Variants in POTEJ observed in about 807,000 individuals in gnomAD.
POTEJ encodes the protein POTE ankyrin domain family member J, also known as POTE ankyrin domain family, member J.
Under a neutral mutation model 69.0 loss-of-function variants are expected in POTEJ, and 11 were observed. The observed-to-expected ratio is 0.16, with a 90% CI of 0.10 to 0.26. The LOEUF (loss-of-function observed/expected upper bound fraction) is 0.26. POTEJ is among the 10% of genes least tolerant of loss of function. The probability of loss-of-function intolerance (pLI) is 1.00; values close to 1 mark genes in which losing one functional copy is unlikely to be tolerated. For missense variants in POTEJ, 327 were observed against 1,045.5 expected (o/e 0.31, Z 9.48); for synonymous variants, 117 against 381.1 (o/e 0.31, Z 8.07).
rs548766853 is a variant in POTEJ, at chr2:130,643,525, A to G, written c.1370-458A>G. On this transcript the variant is annotated intron_variant, in intron 10 of 14. Coordinates refer to ENST00000409602, the MANE Select transcript of POTEJ (RefSeq NM_001277083.2). ...AGGAAGACCCTGACTCATTAAAAAA[A>G]AAAAAAGAAAAAAAGAAAATAAATT... is the stretch of plus-strand genomic sequence containing the variant. Among the ~76,000 whole-genome samples, 116 of 143,278 alleles carry G rather than the reference A, an allele frequency of 8.1e-4. 10 individuals carry two copies. Among genetic ancestry groups the G allele is most frequent in the African/African-American group, 3.0e-3 (113 of 38,050 alleles). The allele number at this position is 143,278 out of a possible 152,430, so 94.0% of individuals were successfully genotyped here.
chr2:130,644,278 G>C (rs1271364901), intron 11 of POTEJ, among the ~76,000 whole-genome samples: 2 of 144,360 alleles, frequency 1.4e-5, no homozygotes, highest in Non-Finnish European at 3.1e-5. Flanking sequence ...AGACCATCCT[G>C]GCTAACATGG....
intron 1 of POTEJ, among the ~76,000 whole-genome samples, chr2:130,613,354 A>G (rs1453686889): frequency 6.9e-5 from 9 of 131,342 alleles, no homozygotes; most frequent in African/African-American, 1.2e-4. Flanking sequence ...ATGTGTGTGT[A>G]TATATATACA....
chr2:130,631,163 A>T (rs1262282899), intron 7 of POTEJ, among the ~76,000 whole-genome samples: 1 of 148,756 alleles, frequency 6.7e-6, no homozygotes, highest in African/African-American at 2.6e-5. Context: ...GGCTAAGGTG[A>T]ATTATTTTTC....
intron 1 of POTEJ, among the ~76,000 whole-genome samples, chr2:130,615,651 G>A (rs71422876): frequency 0.013 from 1,361 of 106,212 alleles, 30 homozygotes; most frequent in African/African-American, 0.022. Flanking sequence ...TAGAACGAAC[G>A]GGTACTGGGC....
In POTEJ at chr2:130,636,506, A is replaced by G. The variant is rs71428512; in HGVS notation, c.1299-2113A>G. Among the ~76,000 whole-genome samples, 104 of 142,490 alleles carry G rather than the reference A, an allele frequency of 7.3e-4. 1 individual carries two copies. The highest frequency in any genetic ancestry group is 9.8e-4 in the East Asian group (5 of 5,120). The allele number at this position is 142,490 out of a possible 152,430, so 93.5% of individuals were successfully genotyped here. A position where few individuals can be genotyped will look rare whatever the true frequency, so the allele number is the denominator to read the frequency against. ...AAAAAAAAAAACCCTTTCTCAGCAG[A>G]GACTCTTCTGGCCATCTCAACTTTC... On this transcript the variant is annotated intron_variant, in intron 9 of 14. Coordinates refer to ENST00000409602, the MANE Select transcript of POTEJ (RefSeq NM_001277083.2).
chr2:130,636,085 T>G (rs544922440), intron 9 of POTEJ, among the ~76,000 whole-genome samples: 2 of 145,052 alleles, frequency 1.4e-5, no homozygotes, highest in South Asian at 2.1e-4. Flanking sequence ...TATCTACCCC[T>G]AGTGCTTAAA....
chr2:130,624,851 C>G (rs1427878792), intron 6 of POTEJ, among the ~76,000 whole-genome samples: 3 of 152,130 alleles, frequency 2.0e-5, no homozygotes, highest in Non-Finnish European at 2.9e-5. Flanking sequence ...GATATATTTA[C>G]TTTGTTGGAA....
In POTEJ at chr2:130,641,530, A is replaced by G. The variant is rs568731426; in HGVS notation, c.1370-2453A>G. Among the ~76,000 whole-genome samples, 11 of 150,484 alleles carry G rather than the reference A, an allele frequency of 7.3e-5. No individual in the cohort carries two copies. In the South Asian group the frequency reaches 2.1e-3, roughly 29 times the overall value. On this transcript the variant is annotated intron_variant, in intron 10 of 14. Coordinates refer to ENST00000409602, the MANE Select transcript of POTEJ (RefSeq NM_001277083.2). Reference sequence around the variant, plus strand: ...TATAAAACAGAGGCAGAAGAGAGGTATAGTCAATATGATTTAGTGATAATT... The same window carrying G: ...TATAAAACAGAGGCAGAAGAGAGGTGTAGTCAATATGATTTAGTGATAATT...
chr2:130,647,022 T>G (rs541899850), intron 13 of POTEJ, among the ~76,000 whole-genome samples: 1 of 150,346 alleles, frequency 6.7e-6, no homozygotes, highest in South Asian at 2.1e-4. Context: ...TGTATACTTA[T>G]GTATAAGGAC....
chr2:130,623,659 G>A lies in POTEJ; in HGVS notation c.945-405G>A, dbSNP rs535751215. ...CTGAGCATTTAAAAAATGTTATCTCGTTAAATCTTTATAACAACCTAGTGA... is the reference window on the plus strand; with the variant it reads ...CTGAGCATTTAAAAAATGTTATCTCATTAAATCTTTATAACAACCTAGTGA... On this transcript the variant is annotated intron_variant, in intron 5 of 14. Transcript: ENST00000409602. Among the ~76,000 whole-genome samples, 131 of 126,226 alleles carry A rather than the reference G, an allele frequency of 1.0e-3. 11 individuals are homozygous for A. Among genetic ancestry groups the A allele is most frequent in the East Asian group, 2.3e-3 (11 of 4,808 alleles). The allele number at this position is 126,226 out of a possible 152,430, so 82.8% of individuals were successfully genotyped here. A position where few individuals can be genotyped will look rare whatever the true frequency, so the allele number is the denominator to read the frequency against.
At chr2:130,624,265 A>G in intron 6 of POTEJ, 131 bp downstream of exon 6, 1 of 554,944 alleles carries the variant, frequency 1.8e-6, no homozygotes, top group East Asian at 3.0e-5. Context: ...TTATTCAATC[A>G]TGTTACATTT....
chr2:130,655,435 C>G (rs1686950580), intron 14 of POTEJ, among the ~76,000 whole-genome samples: 1 of 152,240 alleles, frequency 6.6e-6, no homozygotes, highest in Non-Finnish European at 1.5e-5. Context: ...AAATGTACAG[C>G]TGGGTCAGAG....
chr2:130,624,805 A>T (rs1392918409), intron 6 of POTEJ, among the ~76,000 whole-genome samples: 1 of 152,086 alleles, frequency 6.6e-6, no homozygotes, highest in Non-Finnish European at 1.5e-5. Flanking sequence ...TCTCACTATT[A>T]CTGACTTCAT....
intron 7 of POTEJ, among the ~76,000 whole-genome samples, chr2:130,630,559 C>A (rs1558922905): frequency 1.4e-5 from 2 of 140,986 alleles, no homozygotes; most frequent in South Asian, 4.3e-4. Flanking sequence ...TCACTGATAC[C>A]AAGCTTAAAA....
intron 10 of POTEJ, among the ~76,000 whole-genome samples, chr2:130,642,923 G>T (rs1206887654): frequency 4.7e-5 from 7 of 150,392 alleles, no homozygotes; most frequent in African/African-American, 1.5e-4. Context: ...TTGGGCATGT[G>T]TTCTAGAAAA....
chr2:130,631,880 G>A (rs1223503434), intron 8 of POTEJ, among the ~76,000 whole-genome samples: 2 of 143,422 alleles, frequency 1.4e-5, no homozygotes, highest in Admixed American at 1.4e-4. Flanking sequence ...TTGCACGTCA[G>A]CAGTTTCACT....
chr2:130,652,914 C>T (rs1282519325), intron 13 of POTEJ, among the ~76,000 whole-genome samples: 6 of 139,166 alleles, frequency 4.3e-5, no homozygotes, highest in Admixed American at 7.3e-5. Flanking sequence ...GAATTATTTG[C>T]GTTTTTCCTG....
At chr2:130,650,486 A>T (rs1358520823) in intron 13 of POTEJ, among the ~76,000 whole-genome samples, 1 of 151,852 alleles carries the variant, frequency 6.6e-6, no homozygotes, top group African/African-American at 2.4e-5. Flanking sequence ...AGCCTATCAG[A>T]CGTAGCTACC....
Position 130,647,160 on chromosome 2 carries a change from G to A in POTEJ, c.1667+850G>A, listed in dbSNP as rs143943095. Among the ~76,000 whole-genome samples, 703 of 144,608 alleles carry A rather than the reference G, an allele frequency of 4.9e-3. 21 individuals are homozygous for A. Among genetic ancestry groups the A allele is most frequent in the African/African-American group, 0.02 (673 of 34,328 alleles). 94.9% of individuals were successfully genotyped at this position (144,608 alleles called of 152,430 possible). ...CCATTTTAAAAAAATGAGGTTAGAT[G>A]TAGGGTATACTGATTATTTCACAAT... On this transcript the variant is annotated intron_variant, in intron 13 of 14. Transcript: ENST00000409602.
Sources: allele counts gnomAD v4.1 joint callset (sites outside exome capture counted in the v4.1 genomes callset), GRCh38; gene constraint gnomAD v4.1.1; transcripts MANE v1.5; gene names NCBI Gene and HGNC (gene_info 2026-07-23, HGNC 2026-07-21).